BRD4: variants seen among roughly 807,000 people sequenced by gnomAD.
BRD4 encodes bromodomain containing 4, also known as bromodomain-containing protein 4.
Under a neutral mutation model 142.1 loss-of-function variants are expected in BRD4, and 16 were observed. The observed-to-expected ratio is 0.11, with a 90% confidence interval of 0.08 to 0.17. BRD4 has a LOEUF of 0.17. BRD4 is among the 10% of genes least tolerant of loss of function. BRD4 has a pLI of 1.00. For synonymous variants in BRD4, 833 were observed against 707.5 expected (o/e 1.18, Z -2.82); for missense variants, 1,424 against 1,810.9 (o/e 0.79, Z 3.88).
At position 15,264,458 on chromosome 19, in the gene BRD4, G is replaced by A. The variant is rs2145598822; in HGVS notation, c.1158C>T (p.Gly386=). The A allele has an allele frequency of 1.9e-6, 3 of 1,614,038 alleles. No individual in the cohort carries two copies. Among genetic ancestry groups the A allele is most frequent in the Non-Finnish European group, 2.5e-6 (3 of 1,179,944 alleles). The change falls in exon 6 of 20, where the codon GGC becomes GGT. Residue 386 remains glycine, a synonymous_variant. Transcript: ENST00000679869. ...FYKPVDVEAL[G]LHDYCDIIKH... ...TGATGATGTCACAGTAGTCGTGTAG[G>A]CCCAGTGCCTCCACGTCCACAGGCT...
At chr19:15,254,306 C>T in intron 10 of BRD4, 44 bp from the exon 11 acceptor site, 1 of 1,537,738 alleles carries the variant, frequency 6.5e-7, no homozygotes, top group African/African-American at 1.4e-5. Flanking sequence ...GGCTGTGGCC[C>T]AGGAAGCCGC....
At chr19:15,322,022 A>C (rs2048065797) in intron 1 of BRD4, among the ~76,000 whole-genome samples, 1 of 152,144 alleles carries the variant, frequency 6.6e-6, no homozygotes, top group Admixed American at 6.5e-5. Flanking sequence ...TGGCACATAC[A>C]TACACACACA....
chr19:15,247,323 A>C (rs1286642070), intron 11 of BRD4: 3 of 231,344 alleles, frequency 1.3e-5, no homozygotes, highest in Non-Finnish European at 2.6e-5. Context: ...CCCGGCTGGC[A>C]CTTCCTGCAC....
In BRD4 at chr19:15,236,500, G is replaced by C. The variant is rs939874124; in HGVS notation, c.*1877C>G. The C allele has an allele frequency of 6.6e-6, 1 of 151,302 alleles. No homozygotes were observed. The highest frequency in any genetic ancestry group is 1.5e-5 in the Non-Finnish European group (1 of 67,942). 9.4% of individuals were successfully genotyped at this position (151,302 alleles called of 1,614,324 possible). ...AGAAGTGGCCCAAGTCCTTTGGTGA[G>C]TGGGGGGACAGGATGGAGTAGGGGG... On this transcript the variant is annotated 3_prime_UTR_variant, in exon 20 of 20. Transcript: ENST00000679869.
At chr19:15,247,518 T>C (rs2047300285) in intron 11 of BRD4, 2 of 233,066 alleles carry the variant, frequency 8.6e-6, no homozygotes, top group Non-Finnish European at 1.7e-5. Context: ...GAAAGGACCC[T>C]GGAGGAGAGC....
chr19:15,251,826 T>C (rs1370379176), intron 11 of BRD4, among the ~76,000 whole-genome samples: 1 of 152,158 alleles, frequency 6.6e-6, no homozygotes, highest in Non-Finnish European at 1.5e-5. Flanking sequence ...GGAAAGCCCC[T>C]GCTGGCCAGG....
At chr19:15,262,524 T>TAAAAAAAAAAAA (rs559468375) in intron 7 of BRD4, among the ~76,000 whole-genome samples, 18 of 97,684 alleles carry the variant, frequency 1.8e-4, no homozygotes, top group Middle Eastern at 5.5e-3. Flanking sequence ...CCCATCTCTT[T>TAAAAAAAAAAAA]AAAAAAAAAA....
intron 1 of BRD4, among the ~76,000 whole-genome samples, chr19:15,312,803 C>T (rs1405812579): frequency 6.6e-6 from 1 of 151,262 alleles, no homozygotes; most frequent in South Asian, 2.1e-4. Flanking sequence ...GGCGTGGGGG[C>T]GCGTGCCTGT....
At chr19:15,246,808 G>A (rs2047291635) in intron 11 of BRD4, among the ~76,000 whole-genome samples, 1 of 152,108 alleles carries the variant, frequency 6.6e-6, no homozygotes, top group Non-Finnish European at 1.5e-5. Context: ...TGCAAGTGCT[G>A]GGGCCCCCAG....
chr19:15,327,606 G>C (rs2048120089), intron 1 of BRD4, among the ~76,000 whole-genome samples: 1 of 152,026 alleles, frequency 6.6e-6, no homozygotes, highest in Non-Finnish European at 1.5e-5. Context: ...ATTCACAATT[G>C]CCAAAAAGTG....
intron 1 of BRD4, among the ~76,000 whole-genome samples, chr19:15,331,459 G>A (rs535065431): frequency 1.3e-5 from 2 of 152,344 alleles, no homozygotes; most frequent in South Asian, 2.1e-4. Context: ...GCCGTTGCAA[G>A]GACGCCGGCG....
chr19:15,295,708 C>T (rs1285784062), intron 1 of BRD4, among the ~76,000 whole-genome samples: 3 of 152,226 alleles, frequency 2.0e-5, no homozygotes, highest in African/African-American at 4.8e-5. Context: ...CGGTGGCTCA[C>T]GCCTGTAATC....
chr19:15,324,521 C>T (rs1213888532), intron 1 of BRD4, among the ~76,000 whole-genome samples: 1 of 152,152 alleles, frequency 6.6e-6, no homozygotes, highest in African/African-American at 2.4e-5. Context: ...ATTACTCTAC[C>T]AAACTTTTCC....
chr19:15,268,132 C>T (rs2047553625), intron 3 of BRD4: 1 of 152,546 alleles, frequency 6.6e-6, no homozygotes, highest in African/African-American at 2.4e-5. Flanking sequence ...TTAAAAAACA[C>T]AGTAAACTTC....
chr19:15,259,445 C>G (rs1027469108), intron 7 of BRD4, among the ~76,000 whole-genome samples: 1 of 152,214 alleles, frequency 6.6e-6, no homozygotes, highest in African/African-American at 2.4e-5. Context: ...AGGCCTCCTT[C>G]CATTCCCTGG....
intron 7 of BRD4, among the ~76,000 whole-genome samples, chr19:15,258,443 C>A (rs930238070): frequency 1.3e-5 from 2 of 152,132 alleles, no homozygotes; most frequent in African/African-American, 4.8e-5. Flanking sequence ...ACCACCATGC[C>A]CAACTAATTT....
At chr19:15,289,053 G>A (rs983450417) in intron 1 of BRD4, among the ~76,000 whole-genome samples, 3 of 152,186 alleles carry the variant, frequency 2.0e-5, no homozygotes, top group Admixed American at 6.5e-5. Flanking sequence ...CGTTAGAAAT[G>A]CTTCACGTCT....
intron 11 of BRD4, chr19:15,252,909 C>T (rs1019274618): frequency 5.5e-6 from 1 of 180,616 alleles, no homozygotes; most frequent in Non-Finnish European, 1.2e-5. Flanking sequence ...TGCACACACA[C>T]CTCAGAGCAA....
intron 8 of BRD4, 139 bp downstream of exon 8, chr19:15,256,825 G>A (rs1235787198): frequency 2.7e-6 from 2 of 727,492 alleles, no homozygotes; most frequent in South Asian, 1.9e-5. Context: ...CTAGCAAAGG[G>A]GAAAAGGCCA....
Sources: gnomAD v4.1 joint callset for allele counts (sites outside exome capture counted in the v4.1 genomes callset) on GRCh38, gnomAD v4.1.1 for gene constraint, MANE v1.5 for transcripts, NCBI Gene and HGNC (gene_info 2026-07-23, HGNC 2026-07-21) for gene names.